Variants in RALYL observed in about 807,000 individuals in gnomAD.
The protein encoded by RALYL is RNA-binding Raly-like protein.
Under a neutral mutation model 35.1 loss-of-function variants are expected in RALYL, and 29 were observed. The observed-to-expected ratio is 0.83, with a 90% confidence interval of 0.61 to 1.13. The LOEUF (loss-of-function observed/expected upper bound fraction) is 1.13. RALYL is among the 50% of genes most tolerant of loss of function. The pLI is 0.00. For synonymous variants in RALYL, 120 were observed against 127.6 expected, an observed-to-expected ratio of 0.94 and a Z score of 0.40; for missense variants, 359 against 360.4, an observed-to-expected ratio of 1.00 and a Z score of 0.03.
At chr8:84,618,052 C>A (rs1291824934) in intron 2 of RALYL, among the ~76,000 whole-genome samples, 1 of 151,728 alleles carries the variant, frequency 6.6e-6, no homozygotes, top group African/African-American at 2.4e-5. Context: ...GTCTAAAATT[C>A]TCTTTTTTGG....
intron 1 of RALYL, among the ~76,000 whole-genome samples, chr8:84,342,295 T>A (rs188321959): frequency 0.014 from 1,687 of 119,540 alleles, 328 homozygotes; most frequent in African/African-American, 0.06. Flanking sequence ...TATATATATA[T>A]AAAACTCAAA....
intron 1 of RALYL, among the ~76,000 whole-genome samples, chr8:84,184,670 T>A (rs2130786915): frequency 6.6e-6 from 1 of 151,228 alleles, no homozygotes; most frequent in South Asian, 2.1e-4. Context: ...CCTCCCACGG[T>A]GAGCTGCGCC....
chr8:84,700,931 T>A (rs1482035798), intron 2 of RALYL, among the ~76,000 whole-genome samples: 1 of 152,108 alleles, frequency 6.6e-6, no homozygotes, highest in Middle Eastern at 3.2e-3. Flanking sequence ...TGAAAAAACC[T>A]GAGGAAAGTA....
At chr8:84,695,190 T>C (rs939991924) in intron 2 of RALYL, among the ~76,000 whole-genome samples, 7 of 151,794 alleles carry the variant, frequency 4.6e-5, no homozygotes, top group African/African-American at 4.8e-5. Context: ...CACATATGTT[T>C]CAGCAGTTAA....
At chr8:84,890,613 AGG>A (rs1843659887) in intron 8 of RALYL, among the ~76,000 whole-genome samples, 1 of 152,150 alleles carries the variant, frequency 6.6e-6, no homozygotes, top group South Asian at 2.1e-4. Flanking sequence ...AGTATGCTGA[AGG>A]GGGCTCTAGG....
At chr8:84,773,600 C>A (rs1163643157) in intron 2 of RALYL, among the ~76,000 whole-genome samples, 1 of 142,326 alleles carries the variant, frequency 7.0e-6, no homozygotes, top group East Asian at 2.0e-4. Flanking sequence ...CATACTTAAA[C>A]CTCTTTTTGT....
At chr8:84,633,538 TG>T (rs1824389360) in intron 2 of RALYL, among the ~76,000 whole-genome samples, 1 of 151,896 alleles carries the variant, frequency 6.6e-6, no homozygotes, top group Non-Finnish European at 1.5e-5. Context: ...TTTGGTAAAA[TG>T]TTATTTATTT....
At chr8:84,299,360 T>G (rs918345850) in intron 1 of RALYL, among the ~76,000 whole-genome samples, 2 of 152,110 alleles carry the variant, frequency 1.3e-5, no homozygotes, top group African/African-American at 4.8e-5. Flanking sequence ...TGCTGCTGGA[T>G]TCAGTTTGCC....
In RALYL at chr8:84,376,558, C is replaced by T. The variant is rs79611110; in HGVS notation, c.-23-152741C>T. Among the ~76,000 whole-genome samples, 43 of 151,804 alleles carry T rather than the reference C, an allele frequency of 2.8e-4. No individual in the cohort carries two copies. The East Asian group carries it at 7.2e-3, about 26-fold the overall frequency. ...AGCAAGTATAAGGCATGACATCTCCCATTGAGGAAGCAGGGTACTTGGCAA... is the reference window on the plus strand; with the variant it reads ...AGCAAGTATAAGGCATGACATCTCCTATTGAGGAAGCAGGGTACTTGGCAA... On this transcript the variant is annotated intron_variant, in intron 1 of 8. Transcript: ENST00000521268.
intron 2 of RALYL, chr8:84,665,944 A>C (rs544488842): frequency 6.6e-6 from 1 of 152,076 alleles, no homozygotes; most frequent in South Asian, 2.1e-4. Context: ...TAGTAAAAAA[A>C]ATCTGTCAAC....
chr8:84,287,465 A>C (rs775053361), intron 1 of RALYL, among the ~76,000 whole-genome samples: 15 of 152,048 alleles, frequency 9.9e-5, no homozygotes, highest in Non-Finnish European at 1.5e-4. Context: ...ATCCTCAAGG[A>C]AGGAGGGGAA....
chr8:84,334,440 C>A (rs1397555075), intron 1 of RALYL, among the ~76,000 whole-genome samples: 1 of 151,586 alleles, frequency 6.6e-6, no homozygotes, highest in African/African-American at 2.4e-5. Context: ...TTCTTTTATA[C>A]ATAAATGCTT....
At chr8:84,303,934 T>G (rs1354534974) in intron 1 of RALYL, among the ~76,000 whole-genome samples, 1 of 152,130 alleles carries the variant, frequency 6.6e-6, no homozygotes, top group African/African-American at 2.4e-5. Context: ...AATATAAAAC[T>G]AATGGGAACT....
At chr8:84,817,734 C>G (rs1426610795) in intron 4 of RALYL, among the ~76,000 whole-genome samples, 1 of 151,750 alleles carries the variant, frequency 6.6e-6, no homozygotes, top group African/African-American at 2.4e-5. Context: ...CTTATCTTTT[C>G]TAGAAACGGG....
At chr8:84,887,799 TC>T (rs1843161696) in intron 8 of RALYL, 23 bp downstream of exon 8, 1 of 1,599,760 alleles carries the variant, frequency 6.3e-7, no homozygotes, top group African/African-American at 1.3e-5. Flanking sequence ...CATTTGGTAT[TC>T]ACACCCTTTG....
chr8:84,530,748 C>T (rs1174980042), intron 2 of RALYL, among the ~76,000 whole-genome samples: 1 of 152,090 alleles, frequency 6.6e-6, no homozygotes, highest in Non-Finnish European at 1.5e-5. Context: ...CTTTCTCATA[C>T]AGAATAAGAT....
intron 1 of RALYL, among the ~76,000 whole-genome samples, chr8:84,371,427 A>G (rs1191249759): frequency 1.3e-5 from 2 of 151,962 alleles, no homozygotes; most frequent in Non-Finnish European, 1.5e-5. Flanking sequence ...TCCTCCTTGT[A>G]TTTCTGCATT....
At chr8:84,319,914 G>T (rs1563727739) in intron 1 of RALYL, among the ~76,000 whole-genome samples, 1 of 151,864 alleles carries the variant, frequency 6.6e-6, no homozygotes, top group Non-Finnish European at 1.5e-5. Flanking sequence ...ATTCAAATAT[G>T]TAACTAGTTC....
At chr8:84,845,223 C>T (rs995249304) in intron 4 of RALYL, among the ~76,000 whole-genome samples, 1 of 152,150 alleles carries the variant, frequency 6.6e-6, no homozygotes, top group Non-Finnish European at 1.5e-5. Flanking sequence ...AAATGATTGT[C>T]CCCTCAATCA....
Sources: allele counts gnomAD v4.1 joint callset (sites outside exome capture counted in the v4.1 genomes callset), GRCh38; gene constraint gnomAD v4.1.1; transcripts MANE v1.5; gene names NCBI Gene and HGNC (gene_info 2026-07-23, HGNC 2026-07-21).